Variants in LMF1 observed in about 807,000 individuals in gnomAD.
LMF1 encodes the protein transmembrane protein 112.
In LMF1, 68 loss-of-function variants were observed where a neutral mutation model predicts 60.6. The ratio of observed to expected loss-of-function variants is 1.12; its 90% CI spans 0.92 to 1.37. The LOEUF is 1.37. Ranked by LOEUF, LMF1 falls within the 40% of genes most tolerant of loss-of-function variation. LMF1 has a pLI of 0.00. For synonymous variants in LMF1, 418 were observed against 324.7 expected (o/e 1.29, Z -3.09); for missense variants, 948 against 767.2 (o/e 1.24, Z -2.78).
chr16:862,839 C>G (rs2069503120), intron 10 of LMF1, among the ~76,000 whole-genome samples: 1 of 152,012 alleles, frequency 6.6e-6, no homozygotes, highest in Non-Finnish European at 1.5e-5. Flanking sequence ...GCCTGGGTGA[C>G]AGAGAGTGAG....
exon 1 of LMF1, chr16:981,227 C>T (rs1215612609): frequency 4.4e-6 from 2 of 454,266 alleles, no homozygotes; most frequent in Non-Finnish European, 8.8e-6. Context: ...GGACCGCAGG[C>T]AGCAGCTGAC....
intron 8 of LMF1, 89 bp from the exon 9 acceptor site, chr16:870,155 C>G: frequency 1.4e-6 from 2 of 1,425,234 alleles, no homozygotes; most frequent in Non-Finnish European, 9.4e-7. Context: ...CCCGACTGTC[C>G]ATCCTGGCCC....
chr16:920,551 C>G (rs532856139), intron 3 of LMF1, among the ~76,000 whole-genome samples: 1 of 152,306 alleles, frequency 6.6e-6, no homozygotes, highest in Non-Finnish European at 1.5e-5. Flanking sequence ...GTGACTCATT[C>G]TAGAGATGAG....
intron 4 of LMF1, 38 bp downstream of exon 4, chr16:910,892 CG>C (rs1555458364): frequency 2.5e-6 from 4 of 1,609,440 alleles, no homozygotes; most frequent in Non-Finnish European, 8.5e-7. Context: ...GAAGAGCCAC[CG>C]TTATTCCCCA....
chr16:896,170 C>T lies in LMF1; in HGVS notation c.664-3098G>A, dbSNP rs4984958. ...TCGGAGGGGTTGTGAGGCTCAGCCA[C>T]CCACACGCAGGCTGCACGGTCCACA... On this transcript the variant is annotated intron_variant, in intron 4 of 10. Transcript: ENST00000262301. Among the ~76,000 whole-genome samples, 110 of 55,006 alleles carry T rather than the reference C, an allele frequency of 2.0e-3. 1 individual carries two copies. Among genetic ancestry groups the T allele is most frequent in the Admixed American group, 9.2e-3 (41 of 4,434 alleles). The allele number at this position is 55,006 out of a possible 152,430, so 36.1% of individuals were successfully genotyped here.
At chr16:865,290 T>C (rs1377431458) in intron 10 of LMF1, among the ~76,000 whole-genome samples, 1 of 152,246 alleles carries the variant, frequency 6.6e-6, no homozygotes, top group Non-Finnish European at 1.5e-5. Flanking sequence ...TTATAGCCTT[T>C]GCTTAACCAT....
chr16:927,623 G>A (rs2071647084), intron 3 of LMF1, among the ~76,000 whole-genome samples: 1 of 152,220 alleles, frequency 6.6e-6, no homozygotes, highest in Admixed American at 6.5e-5. Flanking sequence ...AGCTAAAGCA[G>A]GGACAGGAGG....
chr16:868,695 C>T (rs938077366), intron 10 of LMF1, among the ~76,000 whole-genome samples: 1 of 150,922 alleles, frequency 6.6e-6, no homozygotes, highest in Non-Finnish European at 1.5e-5. Flanking sequence ...GTCCTGGGCT[C>T]CTCTCACCAC....
Position 870,073 on chromosome 16 carries a change from G to A in LMF1, c.1233-7C>T. On this transcript the variant is annotated splice_region_variant and splice_polypyrimidine_tract_variant and intron_variant, in intron 8 of 10. Coordinates refer to ENST00000262301, the MANE Select transcript of LMF1 (RefSeq NM_022773.4). The stretch of plus-strand genomic sequence containing the variant: ...CGCCCGCTCCTTGGTGATGCTGCCG[G>A]GAGACCGAGGCAGGCCAGGCCCACG... 1 of 1,604,308 alleles carries A rather than the reference G, an allele frequency of 6.2e-7. No individual in the cohort carries two copies. The highest frequency in any genetic ancestry group is 8.5e-7 in the Non-Finnish European group (1 of 1,179,024).
chr16:970,218 G>A (rs1027817405), intron 1 of LMF1, among the ~76,000 whole-genome samples: 3 of 152,280 alleles, frequency 2.0e-5, no homozygotes, highest in African/African-American at 7.2e-5. Context: ...GCCCCTGGGA[G>A]ACGCGAAGGA....
In LMF1 at chr16:962,690, C is replaced by G. The variant is rs1412402796; in HGVS notation, c.194-8024G>C. On this transcript the variant is annotated intron_variant, in intron 1 of 10. Transcript: ENST00000262301. This position sits in a 1 kb window ranked among gnomAD's most constrained non-coding sequence, Gnocchi z 4.5. ...ACACTGTCAAGGTCGGAATCCTGCA[C>G]AGGAAAGTCTGGGAGACTCACAGAC... 1.3e-5 allele frequency among the ~76,000 whole-genome samples: 2 copies of G among 152,150 alleles called. No homozygotes were observed. Among genetic ancestry groups the G allele is most frequent in the African/African-American group, 4.8e-5 (2 of 41,416 alleles).
intron 2 of LMF1, among the ~76,000 whole-genome samples, chr16:950,576 C>T (rs2151466734): frequency 7.4e-6 from 1 of 134,440 alleles, no homozygotes; most frequent in South Asian, 2.6e-4. Flanking sequence ...GAGCCAACGA[C>T]AGAGTCAGCC....
At chr16:860,415 C>T (rs931294704) in intron 10 of LMF1, among the ~76,000 whole-genome samples, 1 of 151,532 alleles carries the variant, frequency 6.6e-6, no homozygotes, top group Non-Finnish European at 1.5e-5. Flanking sequence ...TCTCGGCTCA[C>T]TGCAACCTCT....
Position 959,301 on chromosome 16 carries a change from A to G in LMF1, c.194-4635T>C, listed in dbSNP as rs1289008043. Among the ~76,000 whole-genome samples, 3 of 152,222 alleles carry G rather than the reference A, an allele frequency of 2.0e-5. No individual in the cohort carries two copies. The East Asian group carries it at 5.8e-4, about 29-fold the overall frequency. On this transcript the variant is annotated intron_variant, in intron 1 of 10. Coordinates refer to ENST00000262301, the MANE Select transcript of LMF1 (RefSeq NM_022773.4). Reference sequence around the variant, plus strand: ...AATCTTAAGTGCATTTTGCTAAGCAAAAGAATCTAGACCCAACAGGCTATA... The same window carrying G: ...AATCTTAAGTGCATTTTGCTAAGCAGAAGAATCTAGACCCAACAGGCTATA...
upstream of LMF1, among the ~76,000 whole-genome samples, chr16:973,691 C>T (rs117870804): frequency 0.056 from 8,525 of 152,260 alleles, 335 homozygotes; most frequent in Non-Finnish European, 0.087. Flanking sequence ...ATGTGAATTT[C>T]GCCTCGAATT....
chr16:908,021 C>A (rs1450611173), intron 4 of LMF1, among the ~76,000 whole-genome samples: 1 of 152,182 alleles, frequency 6.6e-6, no homozygotes, highest in Non-Finnish European at 1.5e-5. Flanking sequence ...GCGGGGCCGG[C>A]TCCTCTCCCT....
intron 3 of LMF1, among the ~76,000 whole-genome samples, chr16:918,836 A>AACCCGACTCTCACGCAGGGCCGGCG (rs1567237661): frequency 7.3e-6 from 1 of 136,134 alleles, no homozygotes; most frequent in Non-Finnish European, 1.7e-5. Context: ...CGGGGCCGGC[A>AACCCGACTCTCACGCAGGGCCGGCG]TCCCGGGGCG....
upstream of LMF1, among the ~76,000 whole-genome samples, chr16:971,538 A>G: frequency 6.6e-6 from 1 of 152,090 alleles, no homozygotes; most frequent in East Asian, 1.9e-4. Context: ...CAGCCTGAGC[A>G]CCCTTCCGCC....
intron 3 of LMF1, among the ~76,000 whole-genome samples, chr16:915,198 T>G (rs1210934007): frequency 6.6e-6 from 1 of 152,214 alleles, no homozygotes; most frequent in Non-Finnish European, 1.5e-5. Context: ...GGGATGACTC[T>G]GGGGACATTC....
Sources: gnomAD v4.1 joint callset for allele counts (sites outside exome capture counted in the v4.1 genomes callset) on GRCh38, gnomAD v4.1.1 for gene constraint, Gnocchi (gnomAD v3.1) non-coding constraint, MANE v1.5 for transcripts, NCBI Gene and HGNC (gene_info 2026-07-23, HGNC 2026-07-21) for gene names.